The following ADI1 variants were observed in gnomAD, a reference collection of about 807,000 sequenced individuals.
ADI1 encodes the protein acireductone dioxygenase 1.
ADI1 carries 21 observed loss-of-function variants against 18.7 expected under a neutral mutation model. The observed-to-expected ratio is 1.13, with a 90% CI of 0.80 to 1.62. The LOEUF is 1.62. ADI1 is among the 40% of genes most tolerant of loss of function. The probability of loss-of-function intolerance (pLI) is 0.00; values close to 1 mark genes in which losing one functional copy is unlikely to be tolerated. For missense variants in ADI1, 245 were observed against 254.9 expected (o/e 0.96, Z 0.26); for synonymous variants, 90 against 100.1 (o/e 0.90, Z 0.60).
chr2:3,514,097 C>T (rs1424150396), intron 1 of ADI1, 121 bp from the exon 2 acceptor site: 1 of 1,224,912 alleles, frequency 8.2e-7, no homozygotes, highest in African/African-American at 1.5e-5. Flanking sequence ...ATTTTTTCAA[C>T]CCTCAACTAA....
rs745493274 is a variant in ADI1, at chr2:3,515,770, T to C, written c.121-1794A>G. On this transcript the variant is annotated intron_variant, in intron 1 of 3. Transcript: ENST00000327435. The stretch of plus-strand genomic sequence containing the variant: ...GGCGGGCATCACGGTCCTACCGATA[T>C]GTGATGTCACCCCTGGCGGCCCAGC... The C allele has an allele frequency of 1.2e-3, 457 of 370,590 alleles. 1 individual carries two copies. Among genetic ancestry groups the C allele is most frequent in the Non-Finnish European group, 1.5e-3 (400 of 268,436 alleles). 23.0% of individuals were successfully genotyped at this position (370,590 alleles called of 1,614,324 possible).
chr2:3,518,642 G>C (rs1421801591), intron 1 of ADI1, among the ~76,000 whole-genome samples: 1 of 151,050 alleles, frequency 6.6e-6, no homozygotes, highest in Non-Finnish European at 1.5e-5. Context: ...CTACCCCCCG[G>C]GGATCCCCGA....
At chr2:3,505,420 A>T (rs1667156070) in intron 2 of ADI1, among the ~76,000 whole-genome samples, 1 of 152,206 alleles carries the variant, frequency 6.6e-6, no homozygotes, top group African/African-American at 2.4e-5. Context: ...GAGCTAAAAA[A>T]AACTCCAGAC....
At position 3,501,985 on chromosome 2, in the gene ADI1, C is replaced by G. The variant is rs71449677; in HGVS notation, c.241-992G>C. On this transcript the variant is annotated intron_variant, in intron 2 of 3. Coordinates refer to ENST00000327435, the MANE Select transcript of ADI1 (RefSeq NM_018269.4). ...CTGATTCTGCCTGCACTGTTCATAT[C>G]TCCACACCTCCCGCTCCACACACAC... Among the ~76,000 whole-genome samples, 4 of 151,406 alleles carry G rather than the reference C, an allele frequency of 2.6e-5. No individual in the cohort carries two copies. In the East Asian group the frequency reaches 7.8e-4, roughly 29 times the overall value.
At chr2:3,507,330 A>G (rs1313363604) in intron 2 of ADI1, among the ~76,000 whole-genome samples, 1 of 152,252 alleles carries the variant, frequency 6.6e-6, no homozygotes, top group African/African-American at 2.4e-5. Flanking sequence ...GGAAACTGAG[A>G]GAACACCAAG....
chr2:3,502,001 CCACACACACACA>C (rs70938947), intron 2 of ADI1, among the ~76,000 whole-genome samples: 32 of 105,044 alleles, frequency 3.0e-4, no homozygotes, highest in East Asian at 2.2e-3. Flanking sequence ...ACCTCCCGCT[CCACACACACACA>C]CACACACACA....
At chr2:3,509,469 A>G (rs575730901) in intron 2 of ADI1, among the ~76,000 whole-genome samples, 17 of 152,240 alleles carry the variant, frequency 1.1e-4, no homozygotes, top group Admixed American at 3.3e-4. Context: ...CAAATTATAC[A>G]AAGTTTATTC....
In ADI1 at chr2:3,503,305, A is replaced by C. The variant is rs1667074389; in HGVS notation, c.241-2312T>G. 2.3e-5 allele frequency among the ~76,000 whole-genome samples: 2 copies of C among 85,270 alleles called. 1 individual carries two copies. Among genetic ancestry groups the C allele is most frequent in the Non-Finnish European group, 4.1e-5 (2 of 49,080 alleles). 55.9% of individuals were successfully genotyped at this position (85,270 alleles called of 152,430 possible). On this transcript the variant is annotated intron_variant, in intron 2 of 3. Transcript: ENST00000327435. Reference sequence around the variant, plus strand: ...CATTCACACACATGCACACATACACACTGACACGCACATTCACACACATGC... The same window carrying C: ...CATTCACACACATGCACACATACACCCTGACACGCACATTCACACACATGC...
chr2:3,511,323 C>A (rs1667290225), intron 2 of ADI1, among the ~76,000 whole-genome samples: 1 of 150,678 alleles, frequency 6.6e-6, no homozygotes. Flanking sequence ...AACTGAGATG[C>A]AATTAAACCT....
intron 1 of ADI1, among the ~76,000 whole-genome samples, chr2:3,518,530 T>C (rs1667456644): frequency 1.3e-5 from 2 of 152,182 alleles, no homozygotes; most frequent in Admixed American, 1.3e-4. Flanking sequence ...TAGCCCCGCC[T>C]TGCAAAGCTA....
chr2:3,502,678 G>A (rs748105418), intron 2 of ADI1, among the ~76,000 whole-genome samples: 21 of 152,054 alleles, frequency 1.4e-4, no homozygotes, highest in Admixed American at 5.2e-4. Flanking sequence ...TCGAACTCTC[G>A]TCCTTGGGTG....
intron 2 of ADI1, among the ~76,000 whole-genome samples, chr2:3,511,103 C>T (rs1667286119): frequency 6.6e-6 from 1 of 152,174 alleles, no homozygotes; most frequent in Admixed American, 6.5e-5. Flanking sequence ...AGCGCCACTC[C>T]CTTGGTGCTG....
intron 2 of ADI1, among the ~76,000 whole-genome samples, chr2:3,502,221 G>C (rs971161220): frequency 6.6e-6 from 1 of 151,970 alleles, no homozygotes; most frequent in Non-Finnish European, 1.5e-5. Context: ...TCTAGAGACA[G>C]GGTCTTATTA....
chr2:3,509,102 T>C (rs970215594), intron 2 of ADI1, among the ~76,000 whole-genome samples: 8 of 152,028 alleles, frequency 5.3e-5, no homozygotes, highest in Non-Finnish European at 8.8e-5. Flanking sequence ...CATTATATAA[T>C]AATAAATGGG....
intron 2 of ADI1, among the ~76,000 whole-genome samples, chr2:3,504,457 C>G (rs1667127099): frequency 6.6e-6 from 1 of 152,226 alleles, no homozygotes; most frequent in Non-Finnish European, 1.5e-5. Context: ...TGGCTCATCT[C>G]AACTTCCACG....
intron 2 of ADI1, among the ~76,000 whole-genome samples, chr2:3,511,095 C>T (rs55980070): frequency 0.28 from 42,802 of 152,086 alleles, 8,394 homozygotes; most frequent in African/African-American, 0.56. Flanking sequence ...AATGGTTCAG[C>T]GCCACTCCCT....
chr2:3,519,132 T>G (rs1033024676), intron 1 of ADI1: 5 of 433,168 alleles, frequency 1.2e-5, no homozygotes, highest in Non-Finnish European at 1.9e-5. Context: ...CTGCTGAGCA[T>G]GCGCAGCACA....
At chr2:3,518,892 G>T (rs1667489330) in intron 1 of ADI1, among the ~76,000 whole-genome samples, 1 of 152,202 alleles carries the variant, frequency 6.6e-6, no homozygotes, top group Admixed American at 6.5e-5. Context: ...AGCTGCGCGT[G>T]CGCAGCGAGT....
intron 1 of ADI1, chr2:3,516,916 G>GT: frequency 1.0e-6 from 1 of 983,234 alleles, no homozygotes; most frequent in Middle Eastern, 5.2e-4. Context: ...TGGCTTTTTT[G>GT]TTTTTTGGGT....
Sources: gnomAD v4.1 joint callset for allele counts (sites outside exome capture counted in the v4.1 genomes callset) on GRCh38, gnomAD v4.1.1 for gene constraint, MANE v1.5 for transcripts, NCBI Gene and HGNC (gene_info 2026-07-23, HGNC 2026-07-21) for gene names.